VWF: variants seen among roughly 807,000 people sequenced by gnomAD.
The protein encoded by VWF is Factor VIII related antigen.
VWF carries 176 observed loss-of-function variants against 308.6 expected under a neutral mutation model. That is an observed-to-expected ratio of 0.57 (90% confidence interval 0.50 to 0.65). VWF has a LOEUF of 0.65. Among genes scored for constraint, VWF ranks in the 30% least tolerant of loss-of-function variants. VWF has a pLI of 0.00. For missense variants in VWF, 3,146 were observed against 3,648.2 expected, an observed-to-expected ratio of 0.86 and a Z score of 3.55; for synonymous variants, 1,385 against 1,443.4, an observed-to-expected ratio of 0.96 and a Z score of 0.92.
intron 31 of VWF, 81 bp downstream of exon 31, chr12:6,016,008 G>A: frequency 1.9e-6 from 3 of 1,592,356 alleles, no homozygotes; most frequent in Non-Finnish European, 2.6e-6. Context: ...ACATCCAAAA[G>A]TAACCCCAGC....
Position 6,063,682 on chromosome 12 carries a change from G to A in VWF, c.1432+564C>T, listed in dbSNP as rs1452483564. On this transcript the variant is annotated intron_variant, in intron 12 of 51. Coordinates refer to ENST00000261405, the MANE Select transcript of VWF (RefSeq NM_000552.5). This position sits in a 1 kb window ranked among gnomAD's most constrained non-coding sequence, Gnocchi z 4.9. ...AGTTGTGGAGAAGAAGGAAGAGTCT[G>A]AGAGCCACTTTGAGTGTGAAGTTTG... is the stretch of plus-strand genomic sequence containing the variant. 6.6e-6 allele frequency among the ~76,000 whole-genome samples: 1 copy of A among 152,218 alleles called. No homozygotes were observed. Among genetic ancestry groups the A allele is most frequent in the Non-Finnish European group, 1.5e-5 (1 of 68,038 alleles).
intron 5 of VWF, among the ~76,000 whole-genome samples, chr12:6,105,685 T>C (rs1307196654): frequency 6.6e-6 from 1 of 152,132 alleles, no homozygotes; most frequent in Admixed American, 6.6e-5. Flanking sequence ...ATGAAATATA[T>C]GAAGAAAATA....
chr12:6,049,472 T>C (rs1751834025), intron 16 of VWF, among the ~76,000 whole-genome samples: 1 of 152,210 alleles, frequency 6.6e-6, no homozygotes, highest in South Asian at 2.1e-4. Flanking sequence ...CAACAGTTGC[T>C]GCCCTCCCAA....
rs1180572737 is a variant in VWF, at chr12:5,993,902, G to C, written c.6558C>G (p.Thr2186=). The change falls in exon 37 of 52, where the codon ACC becomes ACG. Residue 2186 remains threonine, a synonymous_variant. Transcript: ENST00000261405. ...TCCTCCAGTCAACGCAGACCCCGTT[G>C]GTCCGACAGAGGTGGGCATAAGAGG... ...VIASYAHLCR[T]NGVCVDWRTP... is the part of the protein sequence containing the mutation. 4 of 1,613,726 alleles carry C rather than the reference G, an allele frequency of 2.5e-6. No individual in the cohort carries two copies. The highest frequency in any genetic ancestry group is 3.4e-6 in the Non-Finnish European group (4 of 1,179,998).
chr12:6,086,005 G>A (rs1294404005), intron 6 of VWF, among the ~76,000 whole-genome samples: 2 of 152,142 alleles, frequency 1.3e-5, no homozygotes, highest in Admixed American at 1.3e-4. Flanking sequence ...AGTGGCCAAG[G>A]TCACCACTGT....
chr12:5,989,782 A>G (rs1055586034), intron 38 of VWF, among the ~76,000 whole-genome samples: 1 of 152,218 alleles, frequency 6.6e-6, no homozygotes, highest in Non-Finnish European at 1.5e-5. Context: ...GACACTCATG[A>G]GCCAGAAATG....
intron 51 of VWF, 140 bp downstream of exon 51, chr12:5,949,646 T>C (rs1565805659): frequency 1.1e-6 from 1 of 891,310 alleles, no homozygotes; most frequent in African/African-American, 1.7e-5. Flanking sequence ...AACATTTGCT[T>C]AAAAAAAAAT....
intron 22 of VWF, 41 bp from the exon 23 acceptor site, chr12:6,026,087 G>T (rs188771730): frequency 6.2e-7 from 1 of 1,613,652 alleles, no homozygotes. Flanking sequence ...TCAAGCCCAG[G>T]AGCATGCTCT....
At chr12:5,954,168 T>C (rs1327752908) in intron 47 of VWF, among the ~76,000 whole-genome samples, 2 of 152,218 alleles carry the variant, frequency 1.3e-5, no homozygotes, top group African/African-American at 4.8e-5. Flanking sequence ...GGTAATAGTC[T>C]TATTTTGTCT....
intron 50 of VWF, among the ~76,000 whole-genome samples, 168 bp from the exon 51 acceptor site, chr12:5,950,051 G>C (rs1272942538): frequency 6.6e-6 from 1 of 152,172 alleles, no homozygotes; most frequent in Non-Finnish European, 1.5e-5. Context: ...AGCTGTTCCT[G>C]GCCCGAAATA....
At chr12:6,066,280 A>G (rs1305109190) in intron 10 of VWF, among the ~76,000 whole-genome samples, 2 of 152,220 alleles carry the variant, frequency 1.3e-5, no homozygotes, top group African/African-American at 4.8e-5. Context: ...GCTTGAGGCA[A>G]TCCCATCTTC....
At chr12:5,977,853 G>C (rs1350144215) in intron 42 of VWF, among the ~76,000 whole-genome samples, 1 of 150,006 alleles carries the variant, frequency 6.7e-6, no homozygotes, top group African/African-American at 2.4e-5. Context: ...CTGGGTGACA[G>C]AGCAAGACCC....
At chr12:5,985,746 G>GCCT in intron 38 of VWF, 81 bp from the exon 39 acceptor site, 1 of 1,361,482 alleles carries the variant, frequency 7.3e-7, no homozygotes. Flanking sequence ...AGCTCTCCCT[G>GCCT]CCTCCGGCAA....
Position 6,016,549 on chromosome 12 carries a change from C to G in VWF, c.5278G>C (p.Val1760Leu), listed in dbSNP as rs61750604. 1.2e-6 allele frequency: 2 copies of G among 1,614,196 alleles called. No homozygotes were observed. Among genetic ancestry groups the G allele is most frequent in the East Asian group, 4.5e-5 (2 of 44,882 alleles). ...EKAHLLSLVDVMQREGGPSQI... is the reference protein window; with the variant it reads ...EKAHLLSLVDLMQREGGPSQI... Reference sequence around the variant, plus strand: ...CTGGGGCCTCCCTCCCGCTGCATGACGTCCACAAGGCTCAGCAAATGGGCT... The same window carrying G: ...CTGGGGCCTCCCTCCCGCTGCATGAGGTCCACAAGGCTCAGCAAATGGGCT... The change falls in exon 30 of 52, where the codon GTC becomes CTC. Residue 1760 changes from valine (V) to leucine (L), a missense_variant. By Grantham distance (32) the Val-to-Leu change is conservative. This residue lies in a region of VWF where 853 missense variants were observed against 1,177.8 expected (regional missense o/e 0.72). Coordinates refer to ENST00000261405, the MANE Select transcript of VWF (RefSeq NM_000552.5).
At chr12:5,974,242 A>G (rs1943508593) in intron 43 of VWF, among the ~76,000 whole-genome samples, 1 of 152,156 alleles carries the variant, frequency 6.6e-6, no homozygotes, top group Admixed American at 6.5e-5. Flanking sequence ...CACTCAACAC[A>G]GTACAGATCG....
intron 18 of VWF, 77 bp downstream of exon 18, chr12:6,044,214 G>T: frequency 6.4e-7 from 1 of 1,570,584 alleles, no homozygotes. Context: ...CCTCTCTCTG[G>T]CTGCACAGCC....
At chr12:6,052,980 A>C (rs1944535682) in intron 15 of VWF, among the ~76,000 whole-genome samples, 197 bp from the exon 16 acceptor site, 1 of 152,200 alleles carries the variant, frequency 6.6e-6, no homozygotes, top group Admixed American at 6.5e-5. Flanking sequence ...GTTTTCCCCA[A>C]GTGACCCCCA....
intron 6 of VWF, among the ~76,000 whole-genome samples, chr12:6,077,476 C>G (rs763342608): frequency 6.6e-6 from 1 of 152,218 alleles, no homozygotes; most frequent in Non-Finnish European, 1.5e-5. Context: ...GCCCAATCCC[C>G]TTCTGCCGGG....
chr12:5,965,286 T>C (rs1288721529), intron 47 of VWF, among the ~76,000 whole-genome samples: 1 of 152,134 alleles, frequency 6.6e-6, no homozygotes, highest in African/African-American at 2.4e-5. Flanking sequence ...TAAAACTGCC[T>C]TGCACACCCC....
Sources: allele counts gnomAD v4.1 joint callset (sites outside exome capture counted in the v4.1 genomes callset), GRCh38; gene constraint gnomAD v4.1.1; regional missense constraint gnomAD v4.1.1; non-coding constraint Gnocchi (gnomAD v3.1); transcripts MANE v1.5; gene names NCBI Gene and HGNC (gene_info 2026-07-23, HGNC 2026-07-21).